NDUFS8: variants seen among roughly 807,000 people sequenced by gnomAD.
NDUFS8 encodes the protein NADH dehydrogenase [ubiquinone] iron-sulfur protein 8, mitochondrial.
In NDUFS8, 13 loss-of-function variants were observed where a neutral mutation model predicts 25.6. The observed-to-expected ratio is 0.51, with a 90% CI of 0.33 to 0.81. The LOEUF (loss-of-function observed/expected upper bound fraction) is 0.81, where lower values mean the gene tolerates loss of function less well. NDUFS8 is among the 30% of genes least tolerant of loss of function. The pLI, the probability that NDUFS8 is intolerant of heterozygous loss-of-function variation, is 0.02. For synonymous variants in NDUFS8, 119 were observed against 119.4 expected (o/e 1.00, Z 0.02); for missense variants, 257 against 300.9 (o/e 0.85, Z 1.08).
chr11:68,033,026 A>C lies in NDUFS8; in HGVS notation c.199+14A>C. 5 of 1,613,670 alleles carry C rather than the reference A, an allele frequency of 3.1e-6. No homozygotes were observed. Among genetic ancestry groups the C allele is most frequent in the Non-Finnish European group, 4.2e-6 (5 of 1,179,946 alleles). On this transcript the variant is annotated intron_variant, in intron 4 of 6. Coordinates refer to ENST00000313468, the MANE Select transcript of NDUFS8 (RefSeq NM_002496.4). ...AGCTCTTCCGAGGTGCGTCCTGGGC[A>C]TGAGGGGACAGGGAAGGTGCCGGGT... is the stretch of plus-strand genomic sequence containing the variant.
chr11:68,033,092 A>G lies in NDUFS8; in HGVS notation c.200-19A>G. 1 of 1,612,962 alleles carries G rather than the reference A, an allele frequency of 6.2e-7. No individual in the cohort carries two copies. The highest frequency in any genetic ancestry group is 8.5e-7 in the Non-Finnish European group (1 of 1,179,824). ...GGGGAGGAGGGTGCCCCTGCCCACC[A>G]CACCCGTGCTGCCCACAGGCCTGGG... On this transcript the variant is annotated intron_variant, in intron 4 of 6. Coordinates refer to ENST00000313468, the MANE Select transcript of NDUFS8 (RefSeq NM_002496.4).
In NDUFS8 at chr11:68,032,945, C is replaced by G; in HGVS notation, c.132C>G (p.Pro44=). 6.2e-7 allele frequency: 1 copy of G among 1,613,890 alleles called. No individual in the cohort carries two copies. Among genetic ancestry groups the G allele is most frequent in the Non-Finnish European group, 8.5e-7 (1 of 1,179,994 alleles). Residue 44 remains proline, a synonymous_variant, in exon 4 of 7, where the codon CCC becomes CCG. Coordinates refer to ENST00000313468, the MANE Select transcript of NDUFS8 (RefSeq NM_002496.4). ...ATYKYVNMQD[P]EMDMKSVTDR... is the part of the protein sequence containing the mutation. Reference sequence around the variant, plus strand: ...CAGAGTATGTGAACATGCAGGATCCCGAGATGGACATGAAGTCAGTGACTG... The same window carrying G: ...CAGAGTATGTGAACATGCAGGATCCGGAGATGGACATGAAGTCAGTGACTG...
intron 5 of NDUFS8, chr11:68,033,697 T>C (rs565417298): frequency 7.3e-5 from 22 of 303,068 alleles, no homozygotes; most frequent in African/African-American, 4.8e-4. Flanking sequence ...TTCCGTTCTC[T>C]TAGTGGGTCT....
chr11:68,033,197 CG>C lies in NDUFS8; in HGVS notation c.287del (p.Arg96LeufsTer52). 1 of 1,612,332 alleles carries C rather than the reference CG, an allele frequency of 6.2e-7. No homozygotes were observed. Among genetic ancestry groups the C allele is most frequent in the South Asian group, 1.1e-5 (1 of 90,942 alleles). ...GAAGGGCCCGCTGAGCCCTCGCTTC[CG>C]TGGGGAGCATGCGCTGCGCCGGTAC... ...FEKGPLSPRFRGEHALRRYPS... is the reference protein window; with the variant it reads ...FEKGPLSPRFXGEHALRRYPS... On this transcript the variant is annotated frameshift_variant, in exon 5 of 7. Coordinates refer to ENST00000313468, the MANE Select transcript of NDUFS8 (RefSeq NM_002496.4). LOFTEE classifies it high-confidence loss of function.
Position 68,032,195 on chromosome 11 carries a change from A to G in NDUFS8, c.44A>G (p.Gln15Arg), listed in dbSNP as rs780746854. Residue 15 changes from glutamine (Q) to arginine (R), a missense_variant, in exon 2 of 7, where the codon CAG (glutamine) becomes CGG (arginine). Transcript: ENST00000313468. ...CCTATGCTGCTGCGGGCCCTGGCCC[A>G]GGCTGCACGTGCAGGTAGGACCAAA... ...TTPMLLRALA[Q>R]AARAGPPGGR... The G allele has an allele frequency of 1.2e-6, 2 of 1,613,192 alleles. No individual in the cohort carries two copies. Among genetic ancestry groups the G allele is most frequent in the Non-Finnish European group, 1.7e-6 (2 of 1,180,016 alleles).
chr11:68,032,612 C>A, intron 3 of NDUFS8: 2 of 1,197,408 alleles, frequency 1.7e-6, no homozygotes, highest in Non-Finnish European at 2.3e-6. Context: ...TATTGCCAGT[C>A]CCTGGTGAAG....
chr11:68,034,064 G>C (rs1247729400), intron 5 of NDUFS8: 1 of 154,626 alleles, frequency 6.5e-6, no homozygotes, highest in Non-Finnish European at 1.5e-5. Flanking sequence ...TGTGCCATGT[G>C]TGTGACTCAC....
Position 68,036,379 on chromosome 11 carries a change from G to C in NDUFS8, c.499G>C (p.Glu167Gln), listed in dbSNP as rs1361942354. 1 of 1,613,736 alleles carries C rather than the reference G, an allele frequency of 6.2e-7. No individual in the cohort carries two copies. The highest frequency in any genetic ancestry group is 8.5e-7 in the Non-Finnish European group (1 of 1,179,982). The part of the protein sequence containing the change: ...QEACPVDAIV[E>Q]GPNFEFSTET... The stretch of plus-strand genomic sequence containing the variant: ...GGCCTGTCCCGTGGATGCCATCGTC[G>C]AGGCACGTGAGGCCCCCGGGTGGGA... Residue 167 changes from glutamate to glutamine, a missense_variant and splice_region_variant, in exon 6 of 7, where the codon GAG (glutamate) becomes CAG (glutamine). Transcript: ENST00000313468.
At chr11:68,034,577 C>G (rs941583101) in intron 5 of NDUFS8, 3 of 152,066 alleles carry the variant, frequency 2.0e-5, no homozygotes, top group Non-Finnish European at 4.4e-5. Context: ...CTTTGAGAAG[C>G]CGAGGTGGGC....
chr11:68,030,699 C>T lies in NDUFS8; in HGVS notation c.-35C>T, dbSNP rs1854741175. On this transcript the variant is annotated 5_prime_UTR_variant, in exon 1 of 7. Coordinates refer to ENST00000313468, the MANE Select transcript of NDUFS8 (RefSeq NM_002496.4). The stretch of plus-strand genomic sequence containing the variant: ...AGCCTCCGCCTCCCGATTGACTGGC[C>T]TGCTTGGCAAGGCAAGTAGCGGCGG... 2.4e-5 allele frequency: 8 copies of T among 331,526 alleles called. No individual in the cohort carries two copies. 20.5% of individuals were successfully genotyped at this position (331,526 alleles called of 1,614,324 possible).
chr11:68,036,483 A>ATG lies in NDUFS8; in HGVS notation c.523_524insTG (p.Thr175MetfsTer?). On this transcript the variant is annotated frameshift_variant, in exon 7 of 7. Transcript: ENST00000313468. LOFTEE classifies it high-confidence loss of function. ...GCAGGGCCCCAACTTTGAGTTCTCC[A>ATG]CGGAGACCCATGAGGAGCTGCTGTA... 1 of 1,613,988 alleles carries ATG rather than the reference A, an allele frequency of 6.2e-7. No homozygotes were observed. The highest frequency in any genetic ancestry group is 1.1e-5 in the South Asian group (1 of 91,070).
At position 68,030,832 on chromosome 11, in the gene NDUFS8, G is replaced by A. The variant is rs146345841; in HGVS notation, c.-1+99G>A. On this transcript the variant is annotated intron_variant, in intron 1 of 6. Transcript: ENST00000313468. Reference sequence around the variant, plus strand: ...TTGGCGCCGCCAGCTCTGCGCCTGGGCTTCCCCTCGGCTCACTCAGGATCC... The same window carrying A: ...TTGGCGCCGCCAGCTCTGCGCCTGGACTTCCCCTCGGCTCACTCAGGATCC... The A allele has an allele frequency of 3.2e-3, 1,314 of 416,566 alleles. 23 individuals carry two copies. The highest frequency in any genetic ancestry group is 0.026 in the African/African-American group (1,206 of 47,090). The allele number at this position is 416,566 out of a possible 1,614,324, so 25.8% of individuals were successfully genotyped here.
Position 68,036,441 on chromosome 11 carries a change from TC to T in NDUFS8, c.502-18del. 6.2e-7 allele frequency: 1 copy of T among 1,613,912 alleles called. No homozygotes were observed. The highest frequency in any genetic ancestry group is 1.3e-5 in the African/African-American group (1 of 75,030). ...GCTCCTCAGCAGGGCCTAACCACCG[TC>T]CCTGCACCTCAACCTGCAGGGCCCC... is the stretch of plus-strand genomic sequence containing the variant. On this transcript the variant is annotated intron_variant, in intron 6 of 6. Coordinates refer to ENST00000313468, the MANE Select transcript of NDUFS8 (RefSeq NM_002496.4).
chr11:68,036,513 AAGG>A lies in NDUFS8; in HGVS notation c.556_558del (p.Glu186del), dbSNP rs752650731. 2 of 1,613,984 alleles carry A rather than the reference AAGG, an allele frequency of 1.2e-6. No homozygotes were observed. The highest frequency in any genetic ancestry group is 1.7e-6 in the Non-Finnish European group (2 of 1,179,978). On this transcript the variant is annotated inframe_deletion, in exon 7 of 7. Coordinates refer to ENST00000313468, the MANE Select transcript of NDUFS8 (RefSeq NM_002496.4). Reference sequence around the variant, plus strand: ...GACCCATGAGGAGCTGCTGTACAACAAGGAGAAGTTGCTCAACAACGGGGACAA... The same window carrying A: ...GACCCATGAGGAGCTGCTGTACAACAAGAAGTTGCTCAACAACGGGGACAA...
Position 68,036,511 on chromosome 11 carries a change from AC to A in NDUFS8, c.552del (p.Asn184LysfsTer?), listed in dbSNP as rs765351209. ...STETHEELLYNKEKLLNNGDK... is the reference protein window; with the variant it reads ...STETHEELLYXKEKLLNNGDK... ...GAGACCCATGAGGAGCTGCTGTACA[AC>A]AAGGAGAAGTTGCTCAACAACGGGG... On this transcript the variant is annotated frameshift_variant, in exon 7 of 7. Transcript: ENST00000313468. LOFTEE classifies it high-confidence loss of function. The A allele has an allele frequency of 6.2e-7, 1 of 1,614,060 alleles. No homozygotes were observed. The highest frequency in any genetic ancestry group is 1.1e-5 in the South Asian group (1 of 91,058).
At chr11:68,032,127 C>T (rs1374285085) in intron 1 of NDUFS8, 25 bp from the exon 2 acceptor site, 1 of 1,611,858 alleles carries the variant, frequency 6.2e-7, no homozygotes, top group Non-Finnish European at 8.5e-7. Context: ...CACACCCCAC[C>T]CTCCATCCCT....
At chr11:68,032,603 A>G (rs1590789288) in intron 3 of NDUFS8, 3 of 1,238,142 alleles carry the variant, frequency 2.4e-6, no homozygotes, top group South Asian at 3.0e-5. Flanking sequence ...ACCTGTGCCT[A>G]TTGCCAGTCC....
At chr11:68,030,896 T>TCAGGGCGCCAGCC in intron 1 of NDUFS8, 163 bp downstream of exon 1, 1 of 442,584 alleles carries the variant, frequency 2.3e-6, no homozygotes, top group African/African-American at 2.1e-5. Flanking sequence ...GGGAGCCGGC[T>TCAGGGCGCCAGCC]CTCAGGGCGC....
intron 4 of NDUFS8, 48 bp downstream of exon 4, chr11:68,033,060 A>G: frequency 1.2e-6 from 2 of 1,613,238 alleles, no homozygotes; most frequent in Non-Finnish European, 1.7e-6. Flanking sequence ...GTGGGCACGG[A>G]TGCATGGGGG....
Sources: allele counts gnomAD v4.1 joint callset, GRCh38; gene constraint gnomAD v4.1.1; transcripts MANE v1.5; gene names NCBI Gene and HGNC (gene_info 2026-07-23, HGNC 2026-07-21).